Variants in PRKCB observed in about 807,000 individuals in gnomAD.
PRKCB encodes protein kinase C beta, also known as protein kinase C beta type.
A neutral mutation model predicts 81.5 loss-of-function variants in PRKCB; 13 were observed. The observed-to-expected ratio is 0.16, with a 90% CI of 0.10 to 0.25. The LOEUF is 0.25. Ranked by LOEUF, PRKCB falls within the 10% of genes least tolerant of loss-of-function variation. The pLI is 1.00. For missense variants in PRKCB, 509 were observed against 875.7 expected, an observed-to-expected ratio of 0.58 and a Z score of 5.29; for synonymous variants, 335 against 321.4, an observed-to-expected ratio of 1.04 and a Z score of -0.45.
intron 2 of PRKCB, among the ~76,000 whole-genome samples, chr16:23,958,754 C>T (rs1429337972): frequency 2.0e-5 from 3 of 147,330 alleles, no homozygotes; most frequent in Non-Finnish European, 4.5e-5. Context: ...CCCTTCCACC[C>T]CCTCTTCTTA....
chr16:24,163,900 G>C (rs755429694), intron 10 of PRKCB, among the ~76,000 whole-genome samples: 8 of 152,188 alleles, frequency 5.3e-5, no homozygotes, highest in Admixed American at 1.3e-4. Flanking sequence ...TAGAACCCAG[G>C]ACTAGCTGAT....
chr16:24,056,938 C>T (rs980521464), intron 5 of PRKCB, among the ~76,000 whole-genome samples: 16 of 152,168 alleles, frequency 1.1e-4, no homozygotes, highest in Admixed American at 1.3e-4. Flanking sequence ...GTCTTGGGCC[C>T]GTGGTGCATG....
intron 2 of PRKCB, among the ~76,000 whole-genome samples, chr16:23,956,776 G>C (rs1964354690): frequency 6.6e-6 from 1 of 152,070 alleles, no homozygotes; most frequent in South Asian, 2.1e-4. Flanking sequence ...TGGCATAAGA[G>C]ACAAGAGTCC....
chr16:24,072,574 T>TTCTC (rs965933795), intron 5 of PRKCB, among the ~76,000 whole-genome samples: 1 of 149,998 alleles, frequency 6.7e-6, no homozygotes, highest in Non-Finnish European at 1.5e-5. Context: ...AACTCTCTCT[T>TTCTC]TCTCTCTCTC....
At chr16:24,045,412 C>T (rs557319472) in intron 5 of PRKCB, among the ~76,000 whole-genome samples, 1 of 152,230 alleles carries the variant, frequency 6.6e-6, no homozygotes, top group East Asian at 1.9e-4. Context: ...TCAGCAAGGT[C>T]GCTGGCATCA....
intron 2 of PRKCB, among the ~76,000 whole-genome samples, chr16:23,863,255 TACACACACACAC>T (rs57495485): frequency 7.5e-6 from 1 of 132,822 alleles, no homozygotes; most frequent in Non-Finnish European, 1.6e-5. Flanking sequence ...TATATACACA[TACACACACACAC>T]ACACACACAC....
intron 5 of PRKCB, among the ~76,000 whole-genome samples, chr16:24,042,963 C>T (rs780785990): frequency 9.2e-5 from 14 of 152,106 alleles, no homozygotes; most frequent in Non-Finnish European, 2.1e-4. Context: ...TCTTGAACTC[C>T]ATGGTTCAAG....
At chr16:23,874,287 A>T (rs8044732) in intron 2 of PRKCB, among the ~76,000 whole-genome samples, 147,225 of 152,314 alleles carry the variant, frequency 0.97, 71,188 homozygotes, top group East Asian at 1. Context: ...GCCTTATAAA[A>T]CACAAATTCT....
At position 24,175,723 on chromosome 16, in the gene PRKCB, A is replaced by G. The variant is rs939433239; in HGVS notation, c.1394+1143A>G. Among the ~76,000 whole-genome samples, 5 of 151,830 alleles carry G rather than the reference A, an allele frequency of 3.3e-5. No individual in the cohort carries two copies. The East Asian group carries it at 7.8e-4, about 24-fold the overall frequency. ...ACAGTAGCTAGCACCTGTAATCCCAACGCTTTGGGAGGCTGAGGCAGGAGG... is the reference window on the plus strand; with the variant it reads ...ACAGTAGCTAGCACCTGTAATCCCAGCGCTTTGGGAGGCTGAGGCAGGAGG... On this transcript the variant is annotated intron_variant, in intron 12 of 16. Transcript: ENST00000643927.
At chr16:23,860,952 A>G (rs1962654490) in intron 2 of PRKCB, among the ~76,000 whole-genome samples, 1 of 152,008 alleles carries the variant, frequency 6.6e-6, no homozygotes, top group Non-Finnish European at 1.5e-5. Context: ...GGTTAAGGAG[A>G]GTGTCTTAGT....
intron 2 of PRKCB, among the ~76,000 whole-genome samples, chr16:23,837,855 T>C (rs140768598): frequency 6.6e-6 from 1 of 152,328 alleles, no homozygotes; most frequent in Non-Finnish European, 1.5e-5. Flanking sequence ...CCTCTGCAGA[T>C]GGTGCATCCC....
intron 2 of PRKCB, among the ~76,000 whole-genome samples, chr16:23,844,896 G>A (rs1176321959): frequency 6.6e-6 from 1 of 151,334 alleles, no homozygotes; most frequent in Non-Finnish European, 1.5e-5. Flanking sequence ...CCGCCTCCCA[G>A]GTTCAAGTGA....
At chr16:23,865,248 T>C (rs1962750246) in intron 2 of PRKCB, among the ~76,000 whole-genome samples, 1 of 144,470 alleles carries the variant, frequency 6.9e-6, no homozygotes, top group African/African-American at 2.6e-5. Context: ...GAAATCAAGA[T>C]TTATTTTCTG....
chr16:24,211,440 G>A (rs79775054), intron 16 of PRKCB, among the ~76,000 whole-genome samples: 9,069 of 152,080 alleles, frequency 0.06, 641 homozygotes, highest in African/African-American at 0.17. Context: ...AGTGTGATAG[G>A]AATTAAAATT....
chr16:23,904,324 C>G (rs922859308), intron 2 of PRKCB, among the ~76,000 whole-genome samples: 1 of 152,168 alleles, frequency 6.6e-6, no homozygotes, highest in Non-Finnish European at 1.5e-5. Flanking sequence ...TAGCATCTAT[C>G]TCTTGGGGTT....
At chr16:24,111,172 G>T (rs1248391921) in intron 7 of PRKCB, 1 of 152,116 alleles carries the variant, frequency 6.6e-6, no homozygotes, top group Non-Finnish European at 1.5e-5. Flanking sequence ...GGTAATTTCC[G>T]TGGAATTTTG....
intron 3 of PRKCB, among the ~76,000 whole-genome samples, chr16:24,001,129 A>T (rs957861890): frequency 1.4e-4 from 21 of 152,182 alleles, no homozygotes; most frequent in African/African-American, 4.3e-4. Flanking sequence ...TCTATAAGGG[A>T]TACAGGTTAC....
chr16:23,903,146 T>C (rs1963509154), intron 2 of PRKCB, among the ~76,000 whole-genome samples: 1 of 151,908 alleles, frequency 6.6e-6, no homozygotes, highest in Non-Finnish European at 1.5e-5. Context: ...ATGTTATTTC[T>C]AAACCCTCCC....
intron 16 of PRKCB, among the ~76,000 whole-genome samples, chr16:24,192,263 C>T (rs763834233): frequency 1.2e-4 from 19 of 152,200 alleles, no homozygotes; most frequent in Non-Finnish European, 2.8e-4. Context: ...ACAGAGGAGG[C>T]ACTCACAGAG....
Sources: gnomAD v4.1 joint callset for allele counts (sites outside exome capture counted in the v4.1 genomes callset) on GRCh38, gnomAD v4.1.1 for gene constraint, MANE v1.5 for transcripts, NCBI Gene and HGNC (gene_info 2026-07-23, HGNC 2026-07-21) for gene names.